Variants in EVC2 observed in about 807,000 individuals in gnomAD.
EVC2 encodes the protein limbin.
A neutral mutation model predicts 149.3 loss-of-function variants in EVC2; 148 were observed. The ratio of observed to expected loss-of-function variants is 0.99; its 90% CI spans 0.87 to 1.14. The LOEUF (loss-of-function observed/expected upper bound fraction) is 1.14, where lower values mean the gene tolerates loss of function less well. Ranked by LOEUF, EVC2 falls within the 50% of genes most tolerant of loss-of-function variation. The pLI is 0.00. For synonymous variants in EVC2, 776 were observed against 649.9 expected, an observed-to-expected ratio of 1.19 and a Z score of -2.95; for missense variants, 1,854 against 1,627.3, an observed-to-expected ratio of 1.14 and a Z score of -2.40.
chr4:5,707,416 A>G lies in EVC2; in HGVS notation c.228+870T>C, dbSNP rs541921846. Among the ~76,000 whole-genome samples, 18 of 152,150 alleles carry G rather than the reference A, an allele frequency of 1.2e-4. No homozygotes were observed. The South Asian group carries it at 2.7e-3, about 23-fold the overall frequency. On this transcript the variant is annotated intron_variant, in intron 1 of 21. Coordinates refer to ENST00000344408, the MANE Select transcript of EVC2 (RefSeq NM_147127.5). ...GTGGGAGGACCTCAGGGCAGCATCA[A>G]TGGGCCAGACCATTGGCCAGGGCAG...
intron 17 of EVC2, among the ~76,000 whole-genome samples, chr4:5,580,071 G>C (rs532054823): frequency 6.6e-6 from 1 of 152,284 alleles, no homozygotes; most frequent in South Asian, 2.1e-4. Context: ...TCTTTCATCA[G>C]ATGAGGTGCA....
chr4:5,691,515 G>T (rs1721119206), intron 3 of EVC2, among the ~76,000 whole-genome samples, 182 bp from the exon 4 acceptor site: 1 of 152,156 alleles, frequency 6.6e-6, no homozygotes, highest in Non-Finnish European at 1.5e-5. Context: ...AAAACTTATG[G>T]AAAGAAGAAT....
At chr4:5,604,635 A>C (rs914917127) in intron 16 of EVC2, among the ~76,000 whole-genome samples, 1 of 152,148 alleles carries the variant, frequency 6.6e-6, no homozygotes, top group Non-Finnish European at 1.5e-5. Flanking sequence ...TCAACAGCAG[A>C]TTAGGGTGAC....
At chr4:5,638,261 C>T (rs989660305) in intron 10 of EVC2, among the ~76,000 whole-genome samples, 24 of 151,948 alleles carry the variant, frequency 1.6e-4, no homozygotes, top group Admixed American at 7.2e-4. Flanking sequence ...TGGTGGCAAG[C>T]GCCTGTAATC....
At chr4:5,645,326 G>A (rs375215598) in intron 9 of EVC2, among the ~76,000 whole-genome samples, 1 of 151,456 alleles carries the variant, frequency 6.6e-6, no homozygotes, top group Non-Finnish European at 1.5e-5. Context: ...CTTGTGTCAT[G>A]GGGGTTTGTT....
intron 19 of EVC2, among the ~76,000 whole-genome samples, chr4:5,571,317 C>CAA (rs1208168465): frequency 0.041 from 3,178 of 77,896 alleles, 363 homozygotes; most frequent in African/African-American, 0.14. Context: ...GACTCCATCT[C>CAA]AAAAAAAAAA....
intron 16 of EVC2, among the ~76,000 whole-genome samples, chr4:5,611,898 A>T (rs1299607113): frequency 6.6e-6 from 1 of 152,178 alleles, no homozygotes; most frequent in East Asian, 1.9e-4. Flanking sequence ...CTGATTACAG[A>T]TTAGCCTTCT....
chr4:5,593,836 T>C (rs113987629), intron 16 of EVC2, among the ~76,000 whole-genome samples: 4,783 of 152,190 alleles, frequency 0.031, 219 homozygotes, highest in African/African-American at 0.1. Context: ...GGGTGACAGA[T>C]GGCACCTGGA....
intron 6 of EVC2, among the ~76,000 whole-genome samples, chr4:5,682,471 C>A (rs1398252010): frequency 1.4e-5 from 2 of 147,802 alleles, no homozygotes; most frequent in African/African-American, 5.1e-5. Context: ...GCCTGGGTGA[C>A]AAGAGTGAAA....
intron 2 of EVC2, among the ~76,000 whole-genome samples, chr4:5,695,353 A>G (rs1721407274): frequency 6.6e-6 from 1 of 152,020 alleles, no homozygotes; most frequent in African/African-American, 2.4e-5. Flanking sequence ...ATCTCAAAAA[A>G]AAAAAAGAAA....
Position 5,569,280 on chromosome 4 carries a change from G to A in EVC2, c.3361-640C>T, listed in dbSNP as rs1216590156. ...GGCCTTAAAGGGGCAGCCCAGGGTG[G>A]CCTTTGTGGTGGTTGACAGCTCTGT... On this transcript the variant is annotated intron_variant, in intron 19 of 21. Coordinates refer to ENST00000344408, the MANE Select transcript of EVC2 (RefSeq NM_147127.5). This position sits in a 1 kb window ranked among gnomAD's most constrained non-coding sequence, Gnocchi z 4.8. Among the ~76,000 whole-genome samples, 1 of 152,178 alleles carries A rather than the reference G, an allele frequency of 6.6e-6. No individual in the cohort carries two copies. Among genetic ancestry groups the A allele is most frequent in the Non-Finnish European group, 1.5e-5 (1 of 68,028 alleles).
intron 16 of EVC2, among the ~76,000 whole-genome samples, chr4:5,611,908 T>C (rs1040524576): frequency 6.6e-6 from 1 of 152,208 alleles, no homozygotes; most frequent in African/African-American, 2.4e-5. Flanking sequence ...ATTAGCCTTC[T>C]TCCCAGACTA....
At chr4:5,653,054 T>A (rs2108882107) in intron 9 of EVC2, among the ~76,000 whole-genome samples, 1 of 152,258 alleles carries the variant, frequency 6.6e-6, no homozygotes, top group Non-Finnish European at 1.5e-5. Context: ...CAACCCTTGG[T>A]GTTCCTTAGC....
the EVC2 span, among the ~76,000 whole-genome samples, chr4:5,531,147 C>A: frequency 6.6e-6 from 1 of 152,094 alleles, no homozygotes; most frequent in Non-Finnish European, 1.5e-5. Flanking sequence ...GAGGGAGTGG[C>A]GGCCTACATC....
chr4:5,684,956 G>C (rs920763169), intron 6 of EVC2, among the ~76,000 whole-genome samples: 10 of 152,200 alleles, frequency 6.6e-5, no homozygotes, highest in African/African-American at 2.2e-4. Flanking sequence ...CAGACACCCT[G>C]ATCTCTGGCT....
chr4:5,669,029 T>C (rs1719460015), intron 7 of EVC2, among the ~76,000 whole-genome samples: 1 of 152,160 alleles, frequency 6.6e-6, no homozygotes, highest in Non-Finnish European at 1.5e-5. Flanking sequence ...CATGTGAAGA[T>C]GGAGGCAGAT....
chr4:5,625,842 T>C lies in EVC2; in HGVS notation c.1953A>G (p.Ser651=). ...AGTCATTGTCCAACTTCTGCTTGATTGAAAAGACTTCTGTCTGAGCCCGCT... is the reference window on the plus strand; with the variant it reads ...AGTCATTGTCCAACTTCTGCTTGATCGAAAAGACTTCTGTCTGAGCCCGCT... ...LLERAQTEVF[S]IKQKLDNDLK... Residue 651 remains serine (S), a synonymous_variant, in exon 13 of 22, where the codon TCA becomes TCG. Coordinates refer to ENST00000344408, the MANE Select transcript of EVC2 (RefSeq NM_147127.5). The surrounding 1 kb of genome is among the most constrained non-coding windows in gnomAD (Gnocchi z 4.0). The C allele has an allele frequency of 6.2e-7, 1 of 1,614,072 alleles. No individual in the cohort carries two copies. The highest frequency in any genetic ancestry group is 1.1e-5 in the South Asian group (1 of 91,084).
chr4:5,625,139 G>A lies in EVC2; in HGVS notation c.2046+610C>T, dbSNP rs115684060. Among the ~76,000 whole-genome samples the A allele has an allele frequency of 3.0e-3, 451 of 152,070 alleles. 3 individuals are homozygous for A. Among genetic ancestry groups the A allele is most frequent in the African/African-American group, 8.0e-3 (333 of 41,474 alleles). On this transcript the variant is annotated intron_variant, in intron 13 of 21. Transcript: ENST00000344408. The surrounding 1 kb of genome is among the most constrained non-coding windows in gnomAD (Gnocchi z 4.0). Reference sequence around the variant, plus strand: ...CCCTTCAACATTCCCCACTATCCTTGGATGGAAGGTAACCCCTTAGCACGG... The same window carrying A: ...CCCTTCAACATTCCCCACTATCCTTAGATGGAAGGTAACCCCTTAGCACGG...
At position 5,696,149 on chromosome 4, in the gene EVC2, C is replaced by T. The variant is rs1387295307; in HGVS notation, c.283+1444G>A. Among the ~76,000 whole-genome samples the T allele has an allele frequency of 6.6e-6, 1 of 152,164 alleles. No homozygotes were observed. The highest frequency in any genetic ancestry group is 1.5e-5 in the Non-Finnish European group (1 of 68,024). ...CCGGACATCCATCTCCGGACCCCAG[C>T]ACAGCACCCTGGGCCAGGGCACAAA... On this transcript the variant is annotated intron_variant, in intron 2 of 21. Coordinates refer to ENST00000344408, the MANE Select transcript of EVC2 (RefSeq NM_147127.5). This position sits in a 1 kb window ranked among gnomAD's most constrained non-coding sequence, Gnocchi z 4.1.
Sources: allele counts gnomAD v4.1 joint callset (sites outside exome capture counted in the v4.1 genomes callset), GRCh38; gene constraint gnomAD v4.1.1; non-coding constraint Gnocchi (gnomAD v3.1); transcripts MANE v1.5; gene names NCBI Gene and HGNC (gene_info 2026-07-23, HGNC 2026-07-21).